Variants in MAST2 observed in about 807,000 individuals in gnomAD.
MAST2 encodes microtubule-associated serine/threonine-protein kinase 2.
Under a neutral mutation model 147.4 loss-of-function variants are expected in MAST2, and 70 were observed. The observed-to-expected ratio is 0.47, with a 90% CI of 0.39 to 0.58. The LOEUF is 0.58. MAST2 is among the 20% of genes least tolerant of loss of function. The pLI is 0.00. For missense variants in MAST2, 2,080 were observed against 2,302.3 expected, an observed-to-expected ratio of 0.90 and a Z score of 1.98; for synonymous variants, 869 against 896.8, an observed-to-expected ratio of 0.97 and a Z score of 0.55.
chr1:45,808,787 A>C (rs1644212071), intron 1 of MAST2, among the ~76,000 whole-genome samples: 1 of 152,116 alleles, frequency 6.6e-6, no homozygotes, highest in Non-Finnish European at 1.5e-5. Context: ...AATACTCGTT[A>C]AATGTTCATT....
chr1:45,864,521 A>G (rs571400204), intron 3 of MAST2, among the ~76,000 whole-genome samples: 1 of 152,326 alleles, frequency 6.6e-6, no homozygotes, highest in East Asian at 1.9e-4. Context: ...GATGAAAGGA[A>G]TTTTGCCGAC....
At chr1:45,909,160 G>A (rs1411860481) in intron 4 of MAST2, among the ~76,000 whole-genome samples, 2 of 151,948 alleles carry the variant, frequency 1.3e-5, no homozygotes, top group Non-Finnish European at 1.5e-5. Context: ...TAGGTAACTC[G>A]ACAGTATGTA....
Position 46,034,216 on chromosome 1 carries a change from C to G in MAST2, c.3818C>G (p.Pro1273Arg). 1 of 1,614,110 alleles carries G rather than the reference C, an allele frequency of 6.2e-7. No homozygotes were observed. The change falls in exon 28 of 29, where the codon CCC (proline) becomes CGC (arginine). Residue 1273 changes from proline to arginine, a missense_variant. By Grantham distance (103) the Pro-to-Arg change is moderately radical (BLOSUM62 -2). Coordinates refer to ENST00000361297, the MANE Select transcript of MAST2 (RefSeq NM_015112.3). ...GSPTHSHSLS[P>R]RSPTQGYRVT... ...CCCACACACAGCCACAGCCTTTCCC[C>G]CCGATCTCCCACTCAAGGCTACCGG...
At chr1:45,890,204 A>G (rs896371341) in intron 4 of MAST2, among the ~76,000 whole-genome samples, 1 of 152,078 alleles carries the variant, frequency 6.6e-6, no homozygotes, top group Admixed American at 6.5e-5. Context: ...TAAAGCCTCT[A>G]CTTTTTCTTC....
At chr1:46,024,031 T>G (rs1229070774) in intron 15 of MAST2, 51 bp downstream of exon 15, 1 of 1,578,026 alleles carries the variant, frequency 6.3e-7, no homozygotes, top group East Asian at 2.2e-5. Context: ...AGTCTGAGAC[T>G]TAGCCTTAAA....
chr1:45,821,385 G>T (rs1254735276), intron 1 of MAST2, among the ~76,000 whole-genome samples: 1 of 152,008 alleles, frequency 6.6e-6, no homozygotes, highest in African/African-American at 2.4e-5. Context: ...CATTGGCTTT[G>T]ACAGTTTGGT....
At chr1:45,875,377 C>T (rs1006824857) in intron 3 of MAST2, among the ~76,000 whole-genome samples, 5 of 152,070 alleles carry the variant, frequency 3.3e-5, no homozygotes, top group East Asian at 3.9e-4. Context: ...ACCTGGGAGA[C>T]GGAGGTTGCA....
Position 45,815,805 on chromosome 1 carries a change from G to A in MAST2, c.178-8628G>A, listed in dbSNP as rs193152965. ...GGAGGATGGGCCAATCCTAGAAATG[G>A]ATTAATCACTTCCACTCATATTCCA... is the stretch of plus-strand genomic sequence containing the variant. On this transcript the variant is annotated intron_variant, in intron 1 of 28. Transcript: ENST00000361297. 1.9e-3 allele frequency among the ~76,000 whole-genome samples: 289 copies of A among 152,282 alleles called. 6 individuals are homozygous for A. The South Asian group carries it at 0.049, about 26-fold the overall frequency.
intron 4 of MAST2, among the ~76,000 whole-genome samples, chr1:45,911,853 A>ATATTAT (rs10595888): frequency 0.029 from 3,946 of 135,748 alleles, 61 homozygotes; most frequent in East Asian, 0.051. Context: ...TATTATTGTT[A>ATATTAT]TATTATTATT....
intron 3 of MAST2, among the ~76,000 whole-genome samples, chr1:45,838,489 C>T (rs1645174230): frequency 6.6e-6 from 1 of 152,142 alleles, no homozygotes; most frequent in South Asian, 2.1e-4. Flanking sequence ...TTCCAAAGTG[C>T]TGGGATTACA....
At chr1:45,851,162 C>T (rs1467345877) in intron 3 of MAST2, among the ~76,000 whole-genome samples, 1 of 151,944 alleles carries the variant, frequency 6.6e-6, no homozygotes, top group Non-Finnish European at 1.5e-5. Context: ...TGTAGTTCTC[C>T]TTGTTGAGAT....
intron 5 of MAST2, among the ~76,000 whole-genome samples, chr1:45,961,275 AC>A (rs1022551339): frequency 2.6e-5 from 4 of 152,174 alleles, no homozygotes; most frequent in Admixed American, 6.5e-5. Flanking sequence ...ATTAGCTCAA[AC>A]AGCACATCCT....
chr1:45,874,430 G>A (rs575345631), intron 3 of MAST2, among the ~76,000 whole-genome samples: 2 of 152,172 alleles, frequency 1.3e-5, no homozygotes, highest in African/African-American at 2.4e-5. Context: ...AAAGCATTCC[G>A]ACTCTCCATG....
At chr1:45,839,630 G>T (rs1301495724) in intron 3 of MAST2, among the ~76,000 whole-genome samples, 1 of 152,128 alleles carries the variant, frequency 6.6e-6, no homozygotes, top group Non-Finnish European at 1.5e-5. Context: ...TAGATTTAAT[G>T]CAGTCCCGAT....
intron 4 of MAST2, among the ~76,000 whole-genome samples, chr1:45,888,707 A>G: frequency 8.4e-5 from 5 of 59,728 alleles, no homozygotes; most frequent in African/African-American, 1.9e-4. Context: ...TTTGAGATGG[A>G]GTCTTGCTCT....
chr1:46,016,847 A>C (rs1194997816), intron 10 of MAST2, among the ~76,000 whole-genome samples: 3 of 152,196 alleles, frequency 2.0e-5, no homozygotes, highest in African/African-American at 7.2e-5. Flanking sequence ...ATGGAACCAA[A>C]AAAGAGCCCG....
Position 45,827,063 on chromosome 1 carries a change from C to T in MAST2, c.326-2376C>T, listed in dbSNP as rs185907703. Reference sequence around the variant, plus strand: ...CAGAATGGTCTCAATCTCTTGACCTCGTGATCCGCCTGCCTCGGCCTCCCA... The same window carrying T: ...CAGAATGGTCTCAATCTCTTGACCTTGTGATCCGCCTGCCTCGGCCTCCCA... On this transcript the variant is annotated intron_variant, in intron 2 of 28. Transcript: ENST00000361297. Among the ~76,000 whole-genome samples, 102 of 151,984 alleles carry T rather than the reference C, an allele frequency of 6.7e-4. 1 individual carries two copies. Among genetic ancestry groups the T allele is most frequent in the African/African-American group, 2.3e-3 (96 of 41,454 alleles).
chr1:45,959,238 C>T (rs1346522033), intron 4 of MAST2, 148 bp from the exon 5 acceptor site: 13 of 568,928 alleles, frequency 2.3e-5, no homozygotes, highest in Non-Finnish European at 3.5e-5. Context: ...TAACTGGTGC[C>T]GAGTGTAATT....
At chr1:46,005,129 A>G (rs1208150444) in intron 7 of MAST2, among the ~76,000 whole-genome samples, 1 of 152,190 alleles carries the variant, frequency 6.6e-6, no homozygotes, top group Non-Finnish European at 1.5e-5. Context: ...TTGGGAGGCC[A>G]AGGCGGGCAG....
Sources: gnomAD v4.1 joint callset for allele counts (sites outside exome capture counted in the v4.1 genomes callset) on GRCh38, gnomAD v4.1.1 for gene constraint, MANE v1.5 for transcripts, NCBI Gene and HGNC (gene_info 2026-07-23, HGNC 2026-07-21) for gene names.